The following CACNA1I variants were observed in gnomAD, a reference collection of about 807,000 sequenced individuals.
CACNA1I encodes the protein calcium voltage-gated channel subunit alpha1 I.
Under a neutral mutation model 201.6 loss-of-function variants are expected in CACNA1I, and 74 were observed. The ratio of observed to expected loss-of-function variants is 0.37; its 90% CI spans 0.30 to 0.45. CACNA1I has a LOEUF of 0.45. Among genes scored for constraint, CACNA1I ranks in the 20% least tolerant of loss-of-function variants. The pLI, the probability that CACNA1I is intolerant of heterozygous loss-of-function variation, is 1.00. For synonymous variants in CACNA1I, 1,431 were observed against 1,345.2 expected (o/e 1.06, Z -1.40); for missense variants, 2,346 against 3,138.1 (o/e 0.75, Z 6.03).
chr22:39,613,421 CAT>C (rs1933438428), intron 3 of CACNA1I, among the ~76,000 whole-genome samples: 1 of 152,146 alleles, frequency 6.6e-6, no homozygotes, highest in East Asian at 1.9e-4. Context: ...GAGAGGGCCT[CAT>C]GTGATTCGTG....
intron 3 of CACNA1I, among the ~76,000 whole-genome samples, chr22:39,608,179 A>T (rs1312780269): frequency 6.6e-6 from 1 of 151,654 alleles, no homozygotes; most frequent in Non-Finnish European, 1.5e-5. Context: ...GCAGTGGCGC[A>T]CACCTGTAGT....
intron 4 of CACNA1I, among the ~76,000 whole-genome samples, chr22:39,624,895 C>T (rs1933855621): frequency 6.7e-6 from 1 of 148,744 alleles, no homozygotes; most frequent in Non-Finnish European, 1.5e-5. Context: ...CTGCTTCTGC[C>T]CTGGGACACA....
chr22:39,637,571 C>T (rs777083205), intron 5 of CACNA1I, among the ~76,000 whole-genome samples: 20 of 152,116 alleles, frequency 1.3e-4, no homozygotes, highest in Admixed American at 3.3e-4. Context: ...AAGATGTGTA[C>T]AAGAATATTT....
chr22:39,617,528 G>A (rs1933578089), intron 3 of CACNA1I, among the ~76,000 whole-genome samples: 1 of 152,162 alleles, frequency 6.6e-6, no homozygotes, highest in South Asian at 2.1e-4. Context: ...TGCCTGCGAT[G>A]GGACTCGGCA....
intron 1 of CACNA1I, among the ~76,000 whole-genome samples, chr22:39,587,383 C>A (rs553627714): frequency 6.6e-6 from 1 of 152,110 alleles, no homozygotes; most frequent in South Asian, 2.1e-4. Flanking sequence ...GGCATGTAAG[C>A]GGAGGGAGGC....
Position 39,659,328 on chromosome 22 carries a change from G to C in CACNA1I, c.2331-105G>C. 1 of 952,882 alleles carries C rather than the reference G, an allele frequency of 1.0e-6. No homozygotes were observed. The highest frequency in any genetic ancestry group is 1.5e-5 in the South Asian group (1 of 65,908). The allele number at this position is 952,882 out of a possible 1,614,324, so 59.0% of individuals were successfully genotyped here. A position where few individuals can be genotyped will look rare whatever the true frequency, so the allele number is the denominator to read the frequency against. The stretch of plus-strand genomic sequence containing the variant: ...TGTAAAATGGGACCAACGCTGCCCC[G>C]CCTCCCCCTGCCCTGCATTTTACTG... On this transcript the variant is annotated intron_variant, in intron 12 of 36. Coordinates refer to ENST00000402142, the MANE Select transcript of CACNA1I (RefSeq NM_021096.4). The surrounding 1 kb of genome is among the most constrained non-coding windows in gnomAD (Gnocchi z 4.3).
chr22:39,576,816 G>A (rs189163298), intron 1 of CACNA1I, among the ~76,000 whole-genome samples: 10 of 152,294 alleles, frequency 6.6e-5, no homozygotes, highest in South Asian at 2.1e-4. Context: ...GTGGGCCCCC[G>A]CCTCTGTGCC....
At chr22:39,616,837 G>A (rs532658754) in intron 3 of CACNA1I, among the ~76,000 whole-genome samples, 9 of 151,906 alleles carry the variant, frequency 5.9e-5, no homozygotes, top group Non-Finnish European at 1.3e-4. Flanking sequence ...AGTTGTGCAC[G>A]AGGGCAGTCT....
chr22:39,636,193 C>T (rs1934215076), intron 5 of CACNA1I, among the ~76,000 whole-genome samples: 1 of 152,170 alleles, frequency 6.6e-6, no homozygotes. Context: ...ACTCTGCGTC[C>T]CGTTCCCTGA....
At chr22:39,585,324 A>G (rs1932709145) in intron 1 of CACNA1I, among the ~76,000 whole-genome samples, 1 of 151,568 alleles carries the variant, frequency 6.6e-6, no homozygotes. Flanking sequence ...TGGCCTCCCA[A>G]AGTGCTGGGA....
chr22:39,598,389 T>C, intron 2 of CACNA1I, 127 bp downstream of exon 2: 1 of 593,180 alleles, frequency 1.7e-6, no homozygotes, highest in South Asian at 1.8e-5. Flanking sequence ...CCCGCCCCGC[T>C]CCGTGCCCTT....
At position 39,610,786 on chromosome 22, in the gene CACNA1I, C is replaced by T. The variant is rs377283006; in HGVS notation, c.483-8524C>T. Reference sequence around the variant, plus strand: ...CTGACTTCCCTCCCTGGAGCTTTCACGGTGGCAGGGTGGTGGCAGGCAGCT... The same window carrying T: ...CTGACTTCCCTCCCTGGAGCTTTCATGGTGGCAGGGTGGTGGCAGGCAGCT... On this transcript the variant is annotated intron_variant, in intron 3 of 36. Coordinates refer to ENST00000402142, the MANE Select transcript of CACNA1I (RefSeq NM_021096.4). 2.9e-3 allele frequency among the ~76,000 whole-genome samples: 436 copies of T among 152,294 alleles called. 25 individuals carry two copies. In the South Asian group the frequency reaches 0.083, roughly 29 times the overall value.
In CACNA1I at chr22:39,684,907, G is replaced by A. The variant is rs974528924; in HGVS notation, c.6027+409G>A. On this transcript the variant is annotated intron_variant, in intron 36 of 36. Coordinates refer to ENST00000402142, the MANE Select transcript of CACNA1I (RefSeq NM_021096.4). The surrounding 1 kb of genome is among the most constrained non-coding windows in gnomAD (Gnocchi z 4.6). ...GATTACTAGGAATGGAGGTGGGAGG[G>A]CGGGTCTGGTGGATGAGAAGCCTCG... is the stretch of plus-strand genomic sequence containing the variant. 1 of 377,488 alleles carries A rather than the reference G, an allele frequency of 2.6e-6. No individual in the cohort carries two copies. The highest frequency in any genetic ancestry group is 4.2e-5 in the South Asian group (1 of 23,832). The allele number at this position is 377,488 out of a possible 1,614,324, so 23.4% of individuals were successfully genotyped here.
Position 39,686,127 on chromosome 22 carries a change from C to T in CACNA1I, c.6394C>T (p.Leu2132Phe), listed in dbSNP as rs1935863537. ...EHSETLSSLS[L>F]TSLFCPPPPP... is the part of the protein sequence containing the mutation. ...CTCGGAGACCCTCAGCAGCCTCTCG[C>T]TCACCTCCCTCTTCTGCCCGCCGCC... The change falls in exon 37 of 37, where the codon CTC (leucine) becomes TTC (phenylalanine). Residue 2132 changes from leucine (L) to phenylalanine (F), a missense_variant. By Grantham distance (22) the Leu-to-Phe change is conservative. This residue lies in a region of CACNA1I where 187 missense variants were observed against 151.0 expected (regional missense o/e 1.24). Transcript: ENST00000402142. The T allele has an allele frequency of 4.7e-6, 6 of 1,266,970 alleles. No homozygotes were observed. Among genetic ancestry groups the T allele is most frequent in the Non-Finnish European group, 5.9e-6 (6 of 1,008,922 alleles). The allele number at this position is 1,266,970 out of a possible 1,614,324, so 78.5% of individuals were successfully genotyped here.
intron 10 of CACNA1I, among the ~76,000 whole-genome samples, chr22:39,652,935 A>G (rs1262208166): frequency 6.6e-6 from 1 of 152,174 alleles, no homozygotes; most frequent in Non-Finnish European, 1.5e-5. Flanking sequence ...AATCAGCCAA[A>G]CAAACCAATC....
rs1446056211 is a variant in CACNA1I at position 39,666,745 on chromosome 22, C to T, written c.4104+739C>T. Among the ~76,000 whole-genome samples the T allele has an allele frequency of 1.3e-5, 2 of 152,248 alleles. No individual in the cohort carries two copies. The highest frequency in any genetic ancestry group is 1.9e-4 in the East Asian group (1 of 5,198). On this transcript the variant is annotated intron_variant, in intron 23 of 36. Transcript: ENST00000402142. This position sits in a 1 kb window ranked among gnomAD's most constrained non-coding sequence, Gnocchi z 4.1. ...TCGTCCCCCACTGGCTGATGGGCAG[C>T]CTCCAGCTAGATCCCACTGGAGGGC...
At chr22:39,578,484 C>T (rs991346168) in intron 1 of CACNA1I, among the ~76,000 whole-genome samples, 4 of 152,096 alleles carry the variant, frequency 2.6e-5, no homozygotes, top group Admixed American at 6.5e-5. Context: ...CCCCACGTGA[C>T]GACTGGTACC....
Position 39,686,157 on chromosome 22 carries a change from C to T in CACNA1I, c.6424C>T (p.Pro2142Ser). The change falls in exon 37 of 37, where the codon CCG becomes TCG. Residue 2142 changes from proline (P) to serine (S), a missense_variant. Pro to Ser is a moderately conservative substitution (Grantham distance 74). Coordinates refer to ENST00000402142, the MANE Select transcript of CACNA1I (RefSeq NM_021096.4). ...CTCCCTCTTCTGCCCGCCGCCCCCGCCGCCAGCCCCCGGCCTCACGCCCGC... is the reference window on the plus strand; with the variant it reads ...CTCCCTCTTCTGCCCGCCGCCCCCGTCGCCAGCCCCCGGCCTCACGCCCGC... ...LTSLFCPPPP[P>S]PAPGLTPARK... The T allele has an allele frequency of 7.8e-7, 1 of 1,279,180 alleles. No individual in the cohort carries two copies. The highest frequency in any genetic ancestry group is 2.5e-5 in the South Asian group (1 of 39,398). 79.2% of individuals were successfully genotyped at this position (1,279,180 alleles called of 1,614,324 possible). A position where few individuals can be genotyped will look rare whatever the true frequency, so the allele number is the denominator to read the frequency against.
chr22:39,655,303 A>C (rs992615479), intron 10 of CACNA1I, among the ~76,000 whole-genome samples: 6 of 152,010 alleles, frequency 3.9e-5, no homozygotes, highest in African/African-American at 1.5e-4. Flanking sequence ...ATCTACCCCT[A>C]CAGAAATGGC....
Sources: gnomAD v4.1 joint callset for allele counts (sites outside exome capture counted in the v4.1 genomes callset) on GRCh38, gnomAD v4.1.1 for gene constraint, gnomAD v4.1.1 regional missense constraint, Gnocchi (gnomAD v3.1) non-coding constraint, MANE v1.5 for transcripts, NCBI Gene and HGNC (gene_info 2026-07-23, HGNC 2026-07-21) for gene names.